SGPP2: variants seen among roughly 807,000 people sequenced by gnomAD.
SGPP2 encodes sphingosine-1-phosphate phosphatase 2, also known as sphingosine 1-phosphate phosphohydrolase 2.
A neutral mutation model predicts 33.9 loss-of-function variants in SGPP2; 30 were observed. The observed-to-expected ratio is 0.89, with a 90% confidence interval of 0.66 to 1.20. The LOEUF is 1.20. Among genes scored for constraint, SGPP2 ranks in the 50% most tolerant of loss-of-function variants. The probability of loss-of-function intolerance (pLI) is 0.00; values close to 1 mark genes in which losing one functional copy is unlikely to be tolerated. For missense variants in SGPP2, 458 were observed against 532.1 expected (o/e 0.86, Z 1.37); for synonymous variants, 233 against 225.0 (o/e 1.04, Z -0.32).
At position 222,460,790 on chromosome 2, in the gene SGPP2, C is replaced by G. The variant is rs1008913875; in HGVS notation, c.220-13778C>G. ...CACAGCTTCCATGCCTCTCCTCTTG[C>G]TGTTCCTTTCTGCTGGAATGTCCCT... On this transcript the variant is annotated intron_variant, in intron 1 of 4. Coordinates refer to ENST00000321276, the MANE Select transcript of SGPP2 (RefSeq NM_152386.4). This position sits in a 1 kb window ranked among gnomAD's most constrained non-coding sequence, Gnocchi z 4.3. 1.4e-5 allele frequency among the ~76,000 whole-genome samples: 2 copies of G among 140,900 alleles called. No individual in the cohort carries two copies. The highest frequency in any genetic ancestry group is 3.2e-5 in the Non-Finnish European group (2 of 63,478). 92.4% of individuals were successfully genotyped at this position (140,900 alleles called of 152,430 possible).
Position 222,558,550 on chromosome 2 carries a change from G to T in SGPP2, c.852G>T (p.Gly284=). 1 of 1,614,146 alleles carries T rather than the reference G, an allele frequency of 6.2e-7. No homozygotes were observed. Among genetic ancestry groups the T allele is most frequent in the Non-Finnish European group, 8.5e-7 (1 of 1,180,028 alleles). The part of the protein sequence containing the change: ...RADTTTILAA[G]AGVTIGFWIN... ...ACACCACCACCATTCTGGCTGCCGG[G>T]GCTGGAGTGACCATAGGATTCTGGA... Residue 284 remains glycine (G), a synonymous_variant, in exon 5 of 5, where the codon GGG becomes GGT. Transcript: ENST00000321276.
chr2:222,434,637 G>A (rs1306192115), intron 1 of SGPP2, among the ~76,000 whole-genome samples: 1 of 152,128 alleles, frequency 6.6e-6, no homozygotes, highest in African/African-American at 2.4e-5. Flanking sequence ...GCCTTCATAA[G>A]AAATGCCCTT....
At chr2:222,454,518 T>G (rs1697541471) in intron 1 of SGPP2, among the ~76,000 whole-genome samples, 1 of 152,230 alleles carries the variant, frequency 6.6e-6, no homozygotes, top group Admixed American at 6.5e-5. Context: ...CTTTCAGACC[T>G]ATGGGTCAAA....
intron 2 of SGPP2, chr2:222,498,513 A>G (rs1430041621): frequency 6.6e-6 from 1 of 152,098 alleles, no homozygotes; most frequent in Non-Finnish European, 1.5e-5. Context: ...TCATTCATTC[A>G]TTCATTCATT....
At chr2:222,542,430 G>A (rs751718400) in intron 4 of SGPP2, among the ~76,000 whole-genome samples, 45 of 152,106 alleles carry the variant, frequency 3.0e-4, no homozygotes, top group Non-Finnish European at 4.4e-4. Context: ...GAGTATGAAC[G>A]CAGAAGTAAA....
At chr2:222,467,715 G>A (rs1697766899) in intron 1 of SGPP2, among the ~76,000 whole-genome samples, 1 of 151,896 alleles carries the variant, frequency 6.6e-6, no homozygotes, top group African/African-American at 2.4e-5. Context: ...GGCGTGTTTT[G>A]TAAAAGAGCT....
At chr2:222,428,601 T>G (rs1308650247) in intron 1 of SGPP2, among the ~76,000 whole-genome samples, 1 of 152,164 alleles carries the variant, frequency 6.6e-6, no homozygotes, top group East Asian at 1.9e-4. Flanking sequence ...CTTGAAACAT[T>G]TGAGGCTCTA....
chr2:222,441,986 A>G (rs904827621), intron 1 of SGPP2, among the ~76,000 whole-genome samples: 2 of 152,246 alleles, frequency 1.3e-5, no homozygotes, highest in Admixed American at 6.5e-5. Context: ...ATGGAATTAC[A>G]GTATATCTTT....
intron 1 of SGPP2, among the ~76,000 whole-genome samples, chr2:222,464,714 C>T (rs770424831): frequency 3.9e-5 from 6 of 152,180 alleles, no homozygotes; most frequent in Non-Finnish European, 5.9e-5. Flanking sequence ...GACTCCTGGC[C>T]TCAAGCGATC....
intron 2 of SGPP2, among the ~76,000 whole-genome samples, chr2:222,478,358 A>C (rs1479879008): frequency 6.6e-6 from 1 of 151,610 alleles, no homozygotes; most frequent in African/African-American, 2.4e-5. Context: ...ATAATGAGAG[A>C]TATTTGGTTT....
chr2:222,492,120 G>A (rs991573853), intron 2 of SGPP2, among the ~76,000 whole-genome samples: 3 of 152,142 alleles, frequency 2.0e-5, no homozygotes, highest in Non-Finnish European at 4.4e-5. Flanking sequence ...TCAGACACAT[G>A]GTGCAAGCTG....
chr2:222,456,095 A>T (rs564051200), intron 1 of SGPP2, among the ~76,000 whole-genome samples: 1 of 152,160 alleles, frequency 6.6e-6, no homozygotes, highest in African/African-American at 2.4e-5. Flanking sequence ...AAATAAATAA[A>T]TGTACAACTC....
At chr2:222,535,435 G>A (rs1698899848) in intron 4 of SGPP2, among the ~76,000 whole-genome samples, 1 of 152,036 alleles carries the variant, frequency 6.6e-6, no homozygotes, top group African/African-American at 2.4e-5. Flanking sequence ...ACAAGTGGAG[G>A]ATGAATCCGC....
chr2:222,468,798 GTTTA>G (rs940168165), intron 1 of SGPP2, among the ~76,000 whole-genome samples: 3 of 152,046 alleles, frequency 2.0e-5, no homozygotes, highest in African/African-American at 7.3e-5. Context: ...TTCTTCCCTG[GTTTA>G]TTTAAACATT....
rs999853583 is a variant in SGPP2 at position 222,452,997 on chromosome 2, G to A, written c.220-21571G>A. 2.1e-5 allele frequency: 34 copies of A among 1,585,468 alleles called. No homozygotes were observed. In the African/African-American group the frequency reaches 3.8e-4, roughly 18 times the overall value. Reference sequence around the variant, plus strand: ...ATTGAGTACACACAGCTGGGTGGAAGAGAACACAGTTCTGGTCTTCTGTTT... The same window carrying A: ...ATTGAGTACACACAGCTGGGTGGAAAAGAACACAGTTCTGGTCTTCTGTTT... On this transcript the variant is annotated intron_variant, in intron 1 of 4. Transcript: ENST00000321276.
At chr2:222,527,128 T>A (rs1014357005) in intron 4 of SGPP2, among the ~76,000 whole-genome samples, 1 of 152,094 alleles carries the variant, frequency 6.6e-6, no homozygotes, top group Non-Finnish European at 1.5e-5. Context: ...CTTTTTAAAG[T>A]GAGTTGTGGG....
chr2:222,507,024 A>T (rs1698455234), intron 2 of SGPP2, among the ~76,000 whole-genome samples: 1 of 152,178 alleles, frequency 6.6e-6, no homozygotes, highest in Non-Finnish European at 1.5e-5. Context: ...CCAGCTTGGT[A>T]GGAGACCCAC....
Position 222,524,962 on chromosome 2 carries a change from C to G in SGPP2, c.577C>G (p.Leu193Val). The change falls in exon 4 of 5, where the codon CTG becomes GTG. Residue 193 changes from leucine to valine, a missense_variant. By Grantham distance (32) the Leu-to-Val change is conservative. Transcript: ENST00000321276. ...CCCACAGTATCCATTTGTGTTGGGA[C>G]TGGTGATGGCCGTGGTGTTTTCCAC... ...DRYQYPFVLG[L>V]VMAVVFSTLV... The G allele has an allele frequency of 6.2e-7, 1 of 1,613,962 alleles. No individual in the cohort carries two copies. The highest frequency in any genetic ancestry group is 8.5e-7 in the Non-Finnish European group (1 of 1,179,894).
chr2:222,472,709 A>C (rs547208696), intron 1 of SGPP2, among the ~76,000 whole-genome samples: 1 of 152,206 alleles, frequency 6.6e-6, no homozygotes, highest in South Asian at 2.1e-4. Flanking sequence ...TTCATCCCCC[A>C]ACAGGGAGCA....
Sources: gnomAD v4.1 joint callset for allele counts (sites outside exome capture counted in the v4.1 genomes callset) on GRCh38, gnomAD v4.1.1 for gene constraint, Gnocchi (gnomAD v3.1) non-coding constraint, MANE v1.5 for transcripts, NCBI Gene and HGNC (gene_info 2026-07-23, HGNC 2026-07-21) for gene names.